The following NALCN variants were observed in gnomAD, a reference collection of about 807,000 sequenced individuals.
NALCN encodes the protein sodium leak channel NALCN.
A neutral mutation model predicts 225.3 loss-of-function variants in NALCN; 111 were observed. The ratio of observed to expected loss-of-function variants is 0.49; its 90% CI spans 0.42 to 0.58. The LOEUF is 0.58. Among genes scored for constraint, NALCN ranks in the 20% least tolerant of loss-of-function variants. The pLI is 0.00. For missense variants in NALCN, 1,378 were observed against 2,202.4 expected (o/e 0.63, Z 7.49); for synonymous variants, 764 against 769.0 (o/e 0.99, Z 0.11).
chr13:101,157,144 T>C (rs999968817), intron 15 of NALCN, among the ~76,000 whole-genome samples: 1 of 152,220 alleles, frequency 6.6e-6, no homozygotes, highest in African/African-American at 2.4e-5. Context: ...TCAAGGCAGA[T>C]GGTTCTATGG....
Position 101,387,252 on chromosome 13 carries a change from A to C in NALCN, c.291+7931T>G, listed in dbSNP as rs74831108. ...CAAAAAAAAAAAAAAAAAAAAAAAA[A>C]AACAGGTTAGCATTTCGCAAATCAC... On this transcript the variant is annotated intron_variant, in intron 3 of 43. Coordinates refer to ENST00000251127, the MANE Select transcript of NALCN (RefSeq NM_052867.4). Among the ~76,000 whole-genome samples, 33 of 116,814 alleles carry C rather than the reference A, an allele frequency of 2.8e-4. No individual in the cohort carries two copies. In the South Asian group the frequency reaches 7.8e-3, roughly 27 times the overall value. The allele number at this position is 116,814 out of a possible 152,430, so 76.6% of individuals were successfully genotyped here. A position where few individuals can be genotyped will look rare whatever the true frequency, so the allele number is the denominator to read the frequency against.
At chr13:101,180,670 C>G (rs2039170084) in intron 14 of NALCN, 1 of 176,016 alleles carries the variant, frequency 5.7e-6, no homozygotes, top group East Asian at 1.3e-4. Context: ...CTGCCCAACT[C>G]TGCCCTGGCT....
rs999850585 is a variant in NALCN at position 101,408,746 on chromosome 13, T to C, written c.-40+7567A>G. ...TTTTCTTTTGGGGTACTCATTCATC[T>C]GTGTCTTGGCCCTCACTAAATAATG... On this transcript the variant is annotated intron_variant, in intron 1 of 43. Transcript: ENST00000251127. 3.9e-5 allele frequency among the ~76,000 whole-genome samples: 6 copies of C among 152,302 alleles called. No homozygotes were observed. The East Asian group carries it at 1.2e-3, about 29-fold the overall frequency.
chr13:101,194,831 C>G (rs1301132180), intron 13 of NALCN, among the ~76,000 whole-genome samples: 1 of 152,074 alleles, frequency 6.6e-6, no homozygotes, highest in Non-Finnish European at 1.5e-5. Flanking sequence ...TGGTGAAACC[C>G]CGTCTCTACT....
At chr13:101,131,566 T>C (rs770379784) in intron 17 of NALCN, among the ~76,000 whole-genome samples, 8 of 152,196 alleles carry the variant, frequency 5.3e-5, no homozygotes, top group Non-Finnish European at 1.5e-5. Context: ...TTATCACTCT[T>C]GTTCCTGGCC....
intron 13 of NALCN, among the ~76,000 whole-genome samples, chr13:101,217,774 T>C (rs1054728846): frequency 6.6e-6 from 1 of 152,172 alleles, no homozygotes; most frequent in African/African-American, 2.4e-5. Flanking sequence ...AATCCATAAC[T>C]GATCTACTCT....
In NALCN at chr13:101,111,241, G is replaced by T; in HGVS notation, c.2193-15C>A. ...GGGTGCAAGCTCTAGGAAAAAAAAA[G>T]GAGCCCAAGATAAATGCATGGTTTG... On this transcript the variant is annotated splice_polypyrimidine_tract_variant and intron_variant, in intron 18 of 43. Transcript: ENST00000251127. 6.6e-7 allele frequency: 1 copy of T among 1,524,972 alleles called. No homozygotes were observed. The highest frequency in any genetic ancestry group is 9.0e-7 in the Non-Finnish European group (1 of 1,115,162). 94.5% of individuals were successfully genotyped at this position (1,524,972 alleles called of 1,614,324 possible).
intron 15 of NALCN, among the ~76,000 whole-genome samples, chr13:101,164,653 A>G (rs915278816): frequency 1.3e-5 from 2 of 152,204 alleles, no homozygotes; most frequent in African/African-American, 4.8e-5. Context: ...TTCTTGGCTT[A>G]AACCTTGATC....
At chr13:101,202,752 G>A (rs902670526) in intron 13 of NALCN, among the ~76,000 whole-genome samples, 10 of 152,256 alleles carry the variant, frequency 6.6e-5, no homozygotes, top group Non-Finnish European at 1.0e-4. Context: ...TATCAGCCAG[G>A]AGCTTTTCAA....
chr13:101,122,391 C>T (rs1045150150), intron 18 of NALCN, among the ~76,000 whole-genome samples: 1 of 152,136 alleles, frequency 6.6e-6, no homozygotes, highest in African/African-American at 2.4e-5. Context: ...TGCTGCCTCT[C>T]ATTCTGTAGT....
chr13:101,347,661 TG>T (rs1366126226), intron 6 of NALCN, among the ~76,000 whole-genome samples: 4 of 152,286 alleles, frequency 2.6e-5, no homozygotes, highest in Admixed American at 6.5e-5. Flanking sequence ...TGAGGCTTTC[TG>T]GGTTTGATCC....
intron 13 of NALCN, among the ~76,000 whole-genome samples, chr13:101,197,710 T>C (rs2039947546): frequency 6.6e-6 from 1 of 152,192 alleles, no homozygotes; most frequent in Non-Finnish European, 1.5e-5. Context: ...CAAGCAACTC[T>C]ACCCTGCCAG....
rs60539617 is a variant in NALCN, at chr13:101,367,986, A to ATTTATTTTATTTTAT, written c.644+8699_644+8713dup. ...GAATTCTTTTTTTGACTTTTTTGAA[A>ATTTATTTTATTTTAT]TTTATTTTATTTTATTTTATTTTAT... On this transcript the variant is annotated intron_variant, in intron 6 of 43. Coordinates refer to ENST00000251127, the MANE Select transcript of NALCN (RefSeq NM_052867.4). Among the ~76,000 whole-genome samples the ATTTATTTTATTTTAT allele has an allele frequency of 2.0e-4, 30 of 148,344 alleles. 1 individual carries two copies. Among genetic ancestry groups the ATTTATTTTATTTTAT allele is most frequent in the African/African-American group, 7.2e-4 (29 of 40,108 alleles).
intron 7 of NALCN, among the ~76,000 whole-genome samples, chr13:101,325,179 AAGT>A (rs2044898586): frequency 6.6e-6 from 1 of 152,192 alleles, no homozygotes; most frequent in Non-Finnish European, 1.5e-5. Flanking sequence ...ACTACAGATA[AAGT>A]AACAAATGGG....
chr13:101,246,213 G>A (rs1038800376), intron 11 of NALCN, among the ~76,000 whole-genome samples: 1 of 152,064 alleles, frequency 6.6e-6, no homozygotes, highest in Admixed American at 6.6e-5. Context: ...AACTAATCTC[G>A]TAAACACAGG....
At chr13:101,405,592 C>T (rs2047596680) in intron 1 of NALCN, among the ~76,000 whole-genome samples, 4 of 152,150 alleles carry the variant, frequency 2.6e-5, no homozygotes, top group Non-Finnish European at 5.9e-5. Context: ...CACGCTCTTC[C>T]TCTCCCTCCA....
Position 101,237,898 on chromosome 13 carries a change from A to C in NALCN, c.1291T>G (p.Leu431Val). The C allele has an allele frequency of 6.2e-7, 1 of 1,606,504 alleles. No individual in the cohort carries two copies. Among genetic ancestry groups the C allele is most frequent in the Non-Finnish European group, 8.5e-7 (1 of 1,177,004 alleles). Residue 431 changes from leucine to valine, a missense_variant, in exon 12 of 44, where the codon TTG becomes GTG. Transcript: ENST00000251127. ...AEVAFTVLFD[L>V]EALLKIWCLG... is the part of the protein sequence containing the mutation. ...CACCATATCTTCAGAAGTGCTTCCA[A>C]ATCAAAAAGTACTGTAAAAGCCACC...
At chr13:101,065,598 G>A (rs867634327) in intron 39 of NALCN, 37 bp from the exon 40 acceptor site, 3 of 1,593,658 alleles carry the variant, frequency 1.9e-6, no homozygotes, top group Middle Eastern at 3.4e-4. Flanking sequence ...AAATCATCAG[G>A]CCTCGATGAT....
intron 17 of NALCN, among the ~76,000 whole-genome samples, chr13:101,131,759 C>T (rs925100478): frequency 1.2e-4 from 19 of 152,040 alleles, no homozygotes; most frequent in African/African-American, 3.4e-4. Flanking sequence ...TGTGGATTAC[C>T]GAGTTTTATG....
Sources: allele counts gnomAD v4.1 joint callset (sites outside exome capture counted in the v4.1 genomes callset), GRCh38; gene constraint gnomAD v4.1.1; transcripts MANE v1.5; gene names NCBI Gene and HGNC (gene_info 2026-07-23, HGNC 2026-07-21).